KAZN: variants seen among roughly 807,000 people sequenced by gnomAD.
KAZN encodes the protein kazrin.
A neutral mutation model predicts 87.4 loss-of-function variants in KAZN; 40 were observed. That is an observed-to-expected ratio of 0.46 (90% confidence interval 0.36 to 0.60). The LOEUF is 0.60. KAZN is among the 20% of genes least tolerant of loss of function. KAZN has a pLI of 0.00. For synonymous variants in KAZN, 466 were observed against 458.3 expected, an observed-to-expected ratio of 1.02 and a Z score of -0.22; for missense variants, 898 against 1,073.9, an observed-to-expected ratio of 0.84 and a Z score of 2.29.
At chr1:14,083,009 G>A (rs921437745) in intron 1 of KAZN, among the ~76,000 whole-genome samples, 3 of 152,192 alleles carry the variant, frequency 2.0e-5, no homozygotes, top group Non-Finnish European at 2.9e-5. Flanking sequence ...TGGCTAACAC[G>A]GTGAAACCCA....
At chr1:14,107,397 C>T (rs900928997) in intron 1 of KAZN, among the ~76,000 whole-genome samples, 3 of 151,310 alleles carry the variant, frequency 2.0e-5, no homozygotes, top group African/African-American at 4.9e-5. Flanking sequence ...GTTTTTTTGC[C>T]TGCTTTGTTT....
At chr1:14,494,496 A>G (rs920188091) in intron 2 of KAZN, among the ~76,000 whole-genome samples, 2 of 152,098 alleles carry the variant, frequency 1.3e-5, no homozygotes, top group African/African-American at 4.8e-5. Flanking sequence ...TTCCCCATGT[A>G]CTTCCTCTCA....
intron 2 of KAZN, among the ~76,000 whole-genome samples, chr1:14,268,658 G>T (rs1651686834): frequency 6.6e-6 from 1 of 152,090 alleles, no homozygotes; most frequent in South Asian, 2.1e-4. Context: ...AGTTTAATAG[G>T]TGATGATATA....
At chr1:14,795,212 G>A (rs1270979759) in intron 1 of KAZN, among the ~76,000 whole-genome samples, 1 of 152,140 alleles carries the variant, frequency 6.6e-6, no homozygotes, top group Non-Finnish European at 1.5e-5. Flanking sequence ...TCCCCTTCAT[G>A]TATTCATCTA....
chr1:14,613,297 G>A (rs553968721), intron 1 of KAZN, among the ~76,000 whole-genome samples: 3 of 152,314 alleles, frequency 2.0e-5, no homozygotes, highest in South Asian at 2.1e-4. Context: ...TACTCTGAGG[G>A]AAAACAGATA....
chr1:14,508,918 C>T (rs1405783296), intron 2 of KAZN, among the ~76,000 whole-genome samples: 1 of 152,200 alleles, frequency 6.6e-6, no homozygotes, highest in Non-Finnish European at 1.5e-5. Context: ...AAGGGCATTT[C>T]TGGGATCATT....
At chr1:14,027,485 G>GC (rs959540980) in intron 1 of KAZN, among the ~76,000 whole-genome samples, 55 of 151,858 alleles carry the variant, frequency 3.6e-4, no homozygotes, top group Admixed American at 1.2e-3. Context: ...GCCGGCTTCT[G>GC]CCCCCCCGCC....
intron 1 of KAZN, among the ~76,000 whole-genome samples, chr1:14,732,883 C>G (rs1643741020): frequency 2.6e-5 from 4 of 152,064 alleles, no homozygotes; most frequent in African/African-American, 9.7e-5. Context: ...GTGGCACACT[C>G]AGTGACTCAG....
intron 2 of KAZN, among the ~76,000 whole-genome samples, chr1:15,006,571 G>A (rs1052449170): frequency 3.3e-5 from 5 of 152,224 alleles, no homozygotes; most frequent in South Asian, 2.1e-4. Context: ...CATTCATGCC[G>A]CACATATTTA....
chr1:14,507,143 G>A (rs1670626529), intron 2 of KAZN, among the ~76,000 whole-genome samples: 1 of 152,202 alleles, frequency 6.6e-6, no homozygotes, highest in South Asian at 2.1e-4. Context: ...AGCCCCTGTT[G>A]GTTTGCAGAG....
intron 1 of KAZN, among the ~76,000 whole-genome samples, chr1:14,914,030 A>G (rs1657530487): frequency 2.0e-5 from 3 of 152,216 alleles, no homozygotes; most frequent in Non-Finnish European, 2.9e-5. Context: ...CTCCCCACTC[A>G]GAGGGCATGA....
intron 1 of KAZN, among the ~76,000 whole-genome samples, chr1:13,923,973 C>T (rs905786528): frequency 9.2e-5 from 14 of 151,682 alleles, no homozygotes; most frequent in Non-Finnish European, 1.5e-5. Flanking sequence ...CCTGGATGGC[C>T]CGTCGGGCAG....
In KAZN at chr1:15,081,165, C is replaced by G. The variant is rs569558819; in HGVS notation, c.1223-13015C>G. 6.6e-4 allele frequency among the ~76,000 whole-genome samples: 101 copies of G among 152,332 alleles called. No homozygotes were observed. Among genetic ancestry groups the G allele is most frequent in the African/African-American group, 2.3e-3 (96 of 41,586 alleles). ...CCCTCCGTTCCTCCCTTCCTGCCTTCTTTTACTCAATACTTAGAGGGCTCA... is the reference window on the plus strand; with the variant it reads ...CCCTCCGTTCCTCCCTTCCTGCCTTGTTTTACTCAATACTTAGAGGGCTCA... On this transcript the variant is annotated intron_variant, in intron 8 of 14. Coordinates refer to ENST00000376030, the MANE Select transcript of KAZN (RefSeq NM_201628.3). This position sits in a 1 kb window ranked among gnomAD's most constrained non-coding sequence, Gnocchi z 4.1.
At chr1:14,959,648 T>TA (rs1359712699) in intron 1 of KAZN, among the ~76,000 whole-genome samples, 1 of 152,204 alleles carries the variant, frequency 6.6e-6, no homozygotes, top group African/African-American at 2.4e-5. Flanking sequence ...CACGGTCTCC[T>TA]AAGTGAGGTT....
chr1:14,271,547 A>T (rs1651931445), intron 2 of KAZN, among the ~76,000 whole-genome samples: 1 of 152,332 alleles, frequency 6.6e-6, no homozygotes, highest in African/African-American at 2.4e-5. Flanking sequence ...ATTTCTCAGG[A>T]CTGGAAATAT....
intron 2 of KAZN, among the ~76,000 whole-genome samples, chr1:14,246,342 A>C (rs1238100880): frequency 6.6e-6 from 1 of 152,086 alleles, no homozygotes; most frequent in African/African-American, 2.4e-5. Context: ...TAAAAAATAT[A>C]TAGTATTTTT....
At chr1:14,825,704 C>T (rs1327415309) in intron 1 of KAZN, among the ~76,000 whole-genome samples, 1 of 152,176 alleles carries the variant, frequency 6.6e-6, no homozygotes, top group Non-Finnish European at 1.5e-5. Flanking sequence ...TGCACTTAAT[C>T]CCCAAGCTGC....
At chr1:14,466,735 G>A (rs9429231) in intron 2 of KAZN, among the ~76,000 whole-genome samples, 109,956 of 151,444 alleles carry the variant, frequency 0.73, 41,543 homozygotes, top group Non-Finnish European at 0.83. Flanking sequence ...TCGGGAGGCC[G>A]AGGTGGGCAG....
At chr1:13,947,884 T>C (rs975452893) in intron 1 of KAZN, among the ~76,000 whole-genome samples, 2 of 152,180 alleles carry the variant, frequency 1.3e-5, no homozygotes, top group African/African-American at 4.8e-5. Flanking sequence ...TTCAATGACC[T>C]CTTTAAAGAC....
Sources: gnomAD v4.1 joint callset for allele counts (sites outside exome capture counted in the v4.1 genomes callset) on GRCh38, gnomAD v4.1.1 for gene constraint, Gnocchi (gnomAD v3.1) non-coding constraint, MANE v1.5 for transcripts, NCBI Gene and HGNC (gene_info 2026-07-23, HGNC 2026-07-21) for gene names.